ZNF280D: variants seen among roughly 807,000 people sequenced by gnomAD.
The protein encoded by ZNF280D is suppressor of hairy wing homolog 4.
Under a neutral mutation model 94.7 loss-of-function variants are expected in ZNF280D, and 39 were observed. The observed-to-expected ratio is 0.41, with a 90% CI of 0.32 to 0.54. ZNF280D has a LOEUF of 0.54. Ranked by LOEUF, ZNF280D falls within the 20% of genes least tolerant of loss-of-function variation. ZNF280D has a pLI of 0.22. For missense variants in ZNF280D, 1,090 were observed against 1,149.3 expected (o/e 0.95, Z 0.75); for synonymous variants, 398 against 377.6 (o/e 1.05, Z -0.63).
At chr15:56,706,975 A>T in intron 3 of ZNF280D, 107 bp downstream of exon 3, 1 of 994,018 alleles carries the variant, frequency 1.0e-6, no homozygotes. Flanking sequence ...AACAATTTTA[A>T]GCATTTTTGT....
chr15:56,732,132 G>A (rs760878778), intron 1 of ZNF280D, among the ~76,000 whole-genome samples: 1 of 152,168 alleles, frequency 6.6e-6, no homozygotes, highest in Non-Finnish European at 1.5e-5. Flanking sequence ...GTTGAGCACC[G>A]GAGAAGGAGT....
intron 19 of ZNF280D, among the ~76,000 whole-genome samples, chr15:56,649,892 T>C (rs1180866965): frequency 6.6e-6 from 1 of 152,080 alleles, no homozygotes; most frequent in Admixed American, 6.5e-5. Flanking sequence ...ACTGCTTACA[T>C]TTATGAAAGA....
intron 11 of ZNF280D, among the ~76,000 whole-genome samples, chr15:56,678,397 T>C (rs547596379): frequency 1.1e-3 from 170 of 152,350 alleles, no homozygotes; most frequent in African/African-American, 3.8e-3. Flanking sequence ...ACTAGGATAC[T>C]AGGCTCCTAA....
At chr15:56,653,514 A>G in intron 19 of ZNF280D, 1 of 1,519,996 alleles carries the variant, frequency 6.6e-7, no homozygotes, top group Non-Finnish European at 8.8e-7. Context: ...GGAAAGAGAG[A>G]ACAGGCATCA....
intron 19 of ZNF280D, among the ~76,000 whole-genome samples, chr15:56,649,673 G>C (rs1248857321): frequency 2.0e-5 from 3 of 151,152 alleles, no homozygotes; most frequent in African/African-American, 7.3e-5. Flanking sequence ...GAACACATAA[G>C]AGCTACAGAG....
At chr15:56,697,713 A>G (rs1371439803) in intron 6 of ZNF280D, 2 of 152,214 alleles carry the variant, frequency 1.3e-5, no homozygotes, top group African/African-American at 4.8e-5. Flanking sequence ...CACATTGGTT[A>G]TATCTATCAA....
intron 17 of ZNF280D, among the ~76,000 whole-genome samples, chr15:56,656,146 T>A (rs1014560316): frequency 1.3e-5 from 2 of 152,220 alleles, no homozygotes; most frequent in African/African-American, 4.8e-5. Flanking sequence ...CCCAATAAAC[T>A]GTACTGTACA....
chr15:56,651,255 T>C (rs2053186354), intron 19 of ZNF280D, among the ~76,000 whole-genome samples: 1 of 152,182 alleles, frequency 6.6e-6, no homozygotes, highest in South Asian at 2.1e-4. Flanking sequence ...AGAATGATGA[T>C]GGACTCAAAC....
intron 20 of ZNF280D, among the ~76,000 whole-genome samples, chr15:56,641,905 A>G (rs759082469): frequency 3.3e-4 from 50 of 151,804 alleles, no homozygotes; most frequent in Non-Finnish European, 6.6e-4. Flanking sequence ...AAAACTGTCT[A>G]AAGTAAAAAC....
intron 19 of ZNF280D, among the ~76,000 whole-genome samples, chr15:56,651,360 G>T (rs1327623666): frequency 6.6e-6 from 1 of 152,130 alleles, no homozygotes; most frequent in Non-Finnish European, 1.5e-5. Flanking sequence ...TAAAATGATG[G>T]TAAGGAGGGA....
intron 3 of ZNF280D, among the ~76,000 whole-genome samples, chr15:56,704,915 G>A (rs910436245): frequency 6.6e-6 from 1 of 152,066 alleles, no homozygotes; most frequent in Non-Finnish European, 1.5e-5. Flanking sequence ...TCTAGGAGGT[G>A]GAGGTTGCAG....
intron 7 of ZNF280D, 48 bp downstream of exon 7, chr15:56,693,050 C>A: frequency 1.8e-6 from 2 of 1,119,528 alleles, no homozygotes; most frequent in South Asian, 1.3e-5. Context: ...TATGCATATT[C>A]ATCAAGTTTC....
chr15:56,688,751 C>G lies in ZNF280D; in HGVS notation c.780+290G>C, dbSNP rs2253150. On this transcript the variant is annotated intron_variant, in intron 9 of 21. Coordinates refer to ENST00000267807, the MANE Select transcript of ZNF280D (RefSeq NM_017661.4). ...GTAATAAAATGCCTGTTTTATAAGA[C>G]ATTTGAAGAGTATGACCTAATAAAT... is the stretch of plus-strand genomic sequence containing the variant. The G allele has an allele frequency of 1.0e-3, 174 of 172,306 alleles. 1 individual carries two copies. Among genetic ancestry groups the G allele is most frequent in the African/African-American group, 3.9e-3 (166 of 42,252 alleles). The allele number at this position is 172,306 out of a possible 1,614,324, so 10.7% of individuals were successfully genotyped here.
At chr15:56,677,924 G>C (rs1478468341) in intron 11 of ZNF280D, among the ~76,000 whole-genome samples, 1 of 151,764 alleles carries the variant, frequency 6.6e-6, no homozygotes, top group East Asian at 1.9e-4. Context: ...TAAGTAACGT[G>C]GCTAAAATCT....
intron 10 of ZNF280D, among the ~76,000 whole-genome samples, chr15:56,680,280 A>G (rs1335462443): frequency 6.6e-6 from 1 of 152,160 alleles, no homozygotes; most frequent in East Asian, 1.9e-4. Flanking sequence ...CTGTTGAAGT[A>G]AAATATTATA....
intron 21 of ZNF280D, among the ~76,000 whole-genome samples, chr15:56,633,560 G>C (rs1056871121): frequency 1.3e-5 from 2 of 151,558 alleles, no homozygotes; most frequent in East Asian, 3.9e-4. Context: ...GCATGATCTC[G>C]GCTCATTGCA....
At chr15:56,677,496 G>A in intron 12 of ZNF280D, 78 bp downstream of exon 12, 1 of 1,000,662 alleles carries the variant, frequency 1.0e-6, no homozygotes, top group Non-Finnish European at 1.6e-6. Context: ...GCTGACCGCT[G>A]GTCTAATAGG....
intron 20 of ZNF280D, chr15:56,635,882 G>T (rs776383841): frequency 6.6e-6 from 1 of 152,100 alleles, no homozygotes; most frequent in Non-Finnish European, 1.5e-5. Flanking sequence ...AGTATATTAA[G>T]AACTTTACAT....
intron 1 of ZNF280D, among the ~76,000 whole-genome samples, chr15:56,712,168 A>T (rs1241228650): frequency 6.6e-6 from 1 of 152,146 alleles, no homozygotes; most frequent in Non-Finnish European, 1.5e-5. Flanking sequence ...TCATCTTTTT[A>T]AAAAAGCATT....
Sources: gnomAD v4.1 joint callset for allele counts (sites outside exome capture counted in the v4.1 genomes callset) on GRCh38, gnomAD v4.1.1 for gene constraint, MANE v1.5 for transcripts, NCBI Gene and HGNC (gene_info 2026-07-23, HGNC 2026-07-21) for gene names.